The following RCAN3 variants were observed in gnomAD, a reference collection of about 807,000 sequenced individuals.
RCAN3 encodes the protein calcipressin-3.
A neutral mutation model predicts 21.9 loss-of-function variants in RCAN3; 19 were observed. That is an observed-to-expected ratio of 0.87 (90% CI 0.61 to 1.27). RCAN3 has a LOEUF of 1.27. Ranked by LOEUF, RCAN3 falls within the 50% of genes most tolerant of loss-of-function variation. The pLI, the probability that RCAN3 is intolerant of heterozygous loss-of-function variation, is 0.00. For missense variants in RCAN3, 240 were observed against 300.1 expected (o/e 0.80, Z 1.48); for synonymous variants, 114 against 112.3 (o/e 1.01, Z -0.09).
chr1:24,516,308 A>AAAT (rs1283805848), intron 2 of RCAN3, among the ~76,000 whole-genome samples: 1 of 152,108 alleles, frequency 6.6e-6, no homozygotes, highest in Non-Finnish European at 1.5e-5. Context: ...CCATAAAATA[A>AAAT]AATAATAATA....
In RCAN3 at chr1:24,540,714, C is replaced by T. The variant is rs1373364777; in HGVS notation, c.*5437C>T. 6.6e-6 allele frequency: 1 copy of T among 152,086 alleles called. No individual in the cohort carries two copies. Among genetic ancestry groups the T allele is most frequent in the African/African-American group, 2.4e-5 (1 of 41,394 alleles). The allele number at this position is 152,086 out of a possible 1,614,324, so 9.4% of individuals were successfully genotyped here. Reference sequence around the variant, plus strand: ...AGTCAAAGTTATTATTTTCTCCGAACGTGTTTGTGATCTTCTGTTATATTT... The same window carrying T: ...AGTCAAAGTTATTATTTTCTCCGAATGTGTTTGTGATCTTCTGTTATATTT... On this transcript the variant is annotated 3_prime_UTR_variant, in exon 5 of 5. Coordinates refer to ENST00000374395, the MANE Select transcript of RCAN3 (RefSeq NM_013441.4).
intron 2 of RCAN3, among the ~76,000 whole-genome samples, chr1:24,526,736 A>G (rs1478699967): frequency 6.6e-6 from 1 of 152,168 alleles, no homozygotes; most frequent in Non-Finnish European, 1.5e-5. Context: ...TTCAATGTTA[A>G]TATTTCTTAA....
intron 2 of RCAN3, among the ~76,000 whole-genome samples, chr1:24,516,235 C>T (rs545047951): frequency 9.2e-5 from 14 of 152,182 alleles, no homozygotes; most frequent in Admixed American, 6.5e-4. Context: ...GAGGCTGTGG[C>T]GGGCAGATCA....
At chr1:24,518,680 C>A (rs1020967624) in intron 2 of RCAN3, among the ~76,000 whole-genome samples, 2 of 152,066 alleles carry the variant, frequency 1.3e-5, no homozygotes, top group African/African-American at 4.8e-5. Flanking sequence ...GCAGCCTTGA[C>A]CTCCTGGGCT....
chr1:24,539,105 T>G lies in RCAN3; in HGVS notation c.*3828T>G, dbSNP rs575458762. On this transcript the variant is annotated 3_prime_UTR_variant, in exon 5 of 5. Coordinates refer to ENST00000374395, the MANE Select transcript of RCAN3 (RefSeq NM_013441.4). The stretch of plus-strand genomic sequence containing the variant: ...ATTAGAAAAACTGAGGTTATGGCAC[T>G]GACTTAGGCACCCCCAGCAAGGCAA... 3.3e-5 allele frequency: 5 copies of G among 152,322 alleles called. No homozygotes were observed. Among genetic ancestry groups the G allele is most frequent in the African/African-American group, 1.2e-4 (5 of 41,570 alleles). 9.4% of individuals were successfully genotyped at this position (152,322 alleles called of 1,614,324 possible). A position where few individuals can be genotyped will look rare whatever the true frequency, so the allele number is the denominator to read the frequency against.
intron 2 of RCAN3, among the ~76,000 whole-genome samples, chr1:24,523,639 CACAT>C (rs976985977): frequency 5.4e-4 from 76 of 141,042 alleles, no homozygotes; most frequent in African/African-American, 1.8e-3. Context: ...CACACACACA[CACAT>C]ATATATTTTT....
At chr1:24,533,978 T>A (rs78336051) in intron 4 of RCAN3, among the ~76,000 whole-genome samples, 12,114 of 152,204 alleles carry the variant, frequency 0.08, 1,116 homozygotes, top group African/African-American at 0.23. Context: ...TTTGAATATA[T>A]TACAAGGAAT....
At chr1:24,514,772 G>A (rs561862051) in intron 2 of RCAN3, among the ~76,000 whole-genome samples, 2 of 151,994 alleles carry the variant, frequency 1.3e-5, no homozygotes, top group South Asian at 2.1e-4. Flanking sequence ...AGTTCAAGAC[G>A]AGCTTGGGCA....
At chr1:24,520,385 G>A (rs1237140417) in intron 2 of RCAN3, among the ~76,000 whole-genome samples, 5 of 152,104 alleles carry the variant, frequency 3.3e-5, no homozygotes, top group Admixed American at 6.6e-5. Flanking sequence ...GCTACAAAAC[G>A]TTGTTGAAAG....
intron 2 of RCAN3, among the ~76,000 whole-genome samples, chr1:24,520,289 A>G (rs1160849271): frequency 1.3e-5 from 2 of 152,228 alleles, no homozygotes; most frequent in Admixed American, 1.3e-4. Flanking sequence ...TTGAGGCTCA[A>G]TTAAATACTA....
At chr1:24,522,823 G>A (rs984895994) in intron 2 of RCAN3, among the ~76,000 whole-genome samples, 1 of 152,096 alleles carries the variant, frequency 6.6e-6, no homozygotes. Context: ...AAAAAGGATA[G>A]ACTAATATAA....
intron 1 of RCAN3, among the ~76,000 whole-genome samples, chr1:24,512,229 G>A (rs540746885): frequency 4.5e-4 from 69 of 152,070 alleles, no homozygotes; most frequent in Non-Finnish European, 8.7e-4. Flanking sequence ...CATGCCTGTA[G>A]TCCCAGCTAC....
chr1:24,517,289 G>C (rs911219578), intron 2 of RCAN3, among the ~76,000 whole-genome samples: 1 of 151,940 alleles, frequency 6.6e-6, no homozygotes, highest in Non-Finnish European at 1.5e-5. Flanking sequence ...TAATTTTTTT[G>C]TATTTTTAGT....
chr1:24,534,299 C>T (rs918314720), intron 4 of RCAN3, among the ~76,000 whole-genome samples: 4 of 152,130 alleles, frequency 2.6e-5, no homozygotes, highest in Non-Finnish European at 5.9e-5. Context: ...AAACTGAAAC[C>T]ATTATGATGT....
intron 1 of RCAN3, among the ~76,000 whole-genome samples, chr1:24,504,156 T>C (rs1012767778): frequency 6.6e-6 from 1 of 152,236 alleles, no homozygotes; most frequent in African/African-American, 2.4e-5. Flanking sequence ...TTTTACTGCA[T>C]TGGCAAGCCT....
intron 2 of RCAN3, among the ~76,000 whole-genome samples, chr1:24,526,459 A>C (rs1394625689): frequency 1.3e-5 from 2 of 151,908 alleles, no homozygotes; most frequent in Non-Finnish European, 1.5e-5. Flanking sequence ...TGCATGTTAC[A>C]TTCAGTTACA....
At position 24,540,957 on chromosome 1, in the gene RCAN3, T is replaced by C. The variant is rs957961851; in HGVS notation, c.*5680T>C. The C allele has an allele frequency of 2.0e-5, 3 of 152,262 alleles. No individual in the cohort carries two copies. Among genetic ancestry groups the C allele is most frequent in the African/African-American group, 7.2e-5 (3 of 41,472 alleles). 9.4% of individuals were successfully genotyped at this position (152,262 alleles called of 1,614,324 possible). On this transcript the variant is annotated 3_prime_UTR_variant, in exon 5 of 5. Transcript: ENST00000374395. ...AAGATGACAAAAGCAGAATGTAATTTTTTTTTGGAAGCTTCGTGATTACCT... is the reference window on the plus strand; with the variant it reads ...AAGATGACAAAAGCAGAATGTAATTCTTTTTTGGAAGCTTCGTGATTACCT...
intron 2 of RCAN3, among the ~76,000 whole-genome samples, chr1:24,527,584 G>A (rs1381066995): frequency 2.0e-5 from 3 of 152,098 alleles, no homozygotes; most frequent in Non-Finnish European, 4.4e-5. Context: ...CAAAGTGGCA[G>A]GTAAATGTTC....
chr1:24,514,560 A>G lies in RCAN3; in HGVS notation c.188A>G (p.Glu63Gly), dbSNP rs1648140959. ...SVHEAVFEAREQKERFEALFT... is the reference protein window; with the variant it reads ...SVHEAVFEARGQKERFEALFT... ...CATGAAGCAGTGTTTGAGGCACGAG[A>G]GCAGAAGGTAGGCATCTATCCTCCC... The change falls in exon 2 of 5, where the codon GAG becomes GGG. Residue 63 changes from glutamate to glycine, a missense_variant. Physicochemically the swap from Glu to Gly is moderately conservative, Grantham distance 98 (BLOSUM62 -2). Coordinates refer to ENST00000374395, the MANE Select transcript of RCAN3 (RefSeq NM_013441.4). The G allele has an allele frequency of 6.2e-7, 1 of 1,613,216 alleles. No homozygotes were observed. The highest frequency in any genetic ancestry group is 1.1e-5 in the South Asian group (1 of 90,958).
Sources: gnomAD v4.1 joint callset for allele counts (sites outside exome capture counted in the v4.1 genomes callset) on GRCh38, gnomAD v4.1.1 for gene constraint, MANE v1.5 for transcripts, NCBI Gene and HGNC (gene_info 2026-07-23, HGNC 2026-07-21) for gene names.